The following TEX11 variants were observed in gnomAD, a reference collection of about 807,000 sequenced individuals.
The protein encoded by TEX11 is testis-expressed protein 11.
A neutral mutation model predicts 84.4 loss-of-function variants in TEX11; 7 were observed. That is an observed-to-expected ratio of 0.08 (90% CI 0.05 to 0.16). The LOEUF is 0.16. Among genes scored for constraint, TEX11 ranks in the 10% least tolerant of loss-of-function variants. The pLI, the probability that TEX11 is intolerant of heterozygous loss-of-function variation, is 1.00. For synonymous variants in TEX11, 264 were observed against 222.8 expected, an observed-to-expected ratio of 1.18 and a Z score of -1.64; for missense variants, 551 against 660.5, an observed-to-expected ratio of 0.83 and a Z score of 1.82.
intron 28 of TEX11, among the ~76,000 whole-genome samples, chrX:70,543,297 G>A (rs2088073043): frequency 8.9e-6 from 1 of 112,422 alleles, no homozygotes; most frequent in Non-Finnish European, 1.9e-5. Context: ...AGCAATAAAT[G>A]GATGGGAAAC....
chrX:70,790,927 C>T (rs962726185), intron 9 of TEX11, among the ~76,000 whole-genome samples: 1 of 112,111 alleles, frequency 8.9e-6, no homozygotes, highest in African/African-American at 3.2e-5. Context: ...AAAACAAGAC[C>T]CAATCATTTG....
rs888667163 is a variant in TEX11 at position 70,612,431 on chromosome X, T to C, written c.1752-1888A>G. Among the ~76,000 whole-genome samples, 3 of 111,478 alleles carry C rather than the reference T, an allele frequency of 2.7e-5. No individual in the cohort carries two copies. In the East Asian group the frequency reaches 8.4e-4, roughly 31 times the overall value. The stretch of plus-strand genomic sequence containing the variant: ...ATTCTAAGGGCTCTAATGGATAAAG[T>C]GGACAGCATGCAAGGGCAGATCAGC... On this transcript the variant is annotated intron_variant, in intron 20 of 29. Transcript: ENST00000374333.
At chrX:70,632,363 C>A (rs1431144569) in intron 17 of TEX11, among the ~76,000 whole-genome samples, 1 of 110,611 alleles carries the variant, frequency 9.0e-6, no homozygotes, top group Non-Finnish European at 1.9e-5. Context: ...CAGATAAAAA[C>A]AATAGAGGCC....
chrX:70,556,063 G>GA (rs761387241), intron 25 of TEX11, among the ~76,000 whole-genome samples: 2 of 110,022 alleles, frequency 1.8e-5, no homozygotes, highest in East Asian at 2.8e-4. Flanking sequence ...CTTTTCAAAA[G>GA]AAAAAAAAAC....
chrX:70,657,408 G>A (rs748624569), intron 16 of TEX11, among the ~76,000 whole-genome samples: 1 of 105,678 alleles, frequency 9.5e-6, no homozygotes, highest in African/African-American at 3.5e-5. Flanking sequence ...ATCAAAATGA[G>A]AAACAGTAAA....
intron 17 of TEX11, among the ~76,000 whole-genome samples, chrX:70,646,969 G>A (rs765925305): frequency 9.0e-6 from 1 of 111,650 alleles, no homozygotes; most frequent in African/African-American, 3.2e-5. Context: ...GCCATGGTAT[G>A]GAATCAACTT....
chrX:70,714,481 T>C (rs369036831), intron 13 of TEX11, among the ~76,000 whole-genome samples: 1 of 111,727 alleles, frequency 9.0e-6, no homozygotes. Context: ...TGCTCCTGTA[T>C]TGGGTGCATA....
At chrX:70,862,839 T>G in intron 4 of TEX11, among the ~76,000 whole-genome samples, 1 of 104,476 alleles carries the variant, frequency 9.6e-6, no homozygotes. Flanking sequence ...CTCTTCAACC[T>G]GGGAGGCGGA....
At chrX:70,605,170 G>A (rs2089181468) in intron 24 of TEX11, among the ~76,000 whole-genome samples, 1 of 111,299 alleles carries the variant, frequency 9.0e-6, no homozygotes, top group Non-Finnish European at 1.9e-5. Context: ...GTGGTCCATA[G>A]GAAGGGGAAT....
At chrX:70,735,605 T>C (rs2090689830) in intron 11 of TEX11, among the ~76,000 whole-genome samples, 1 of 112,149 alleles carries the variant, frequency 8.9e-6, no homozygotes, top group African/African-American at 3.2e-5. Flanking sequence ...TGAATAAATG[T>C]TCCTGGATTT....
chrX:70,617,429 T>C (rs12854360), intron 20 of TEX11, among the ~76,000 whole-genome samples: 2 of 106,591 alleles, frequency 1.9e-5, no homozygotes, highest in East Asian at 2.8e-4. Flanking sequence ...TACACATATA[T>C]AATACATATA....
At chrX:70,840,920 G>A in intron 7 of TEX11, among the ~76,000 whole-genome samples, 1 of 111,003 alleles carries the variant, frequency 9.0e-6, no homozygotes, top group Non-Finnish European at 1.9e-5. Flanking sequence ...AATTCAACAA[G>A]AAGAACTAAC....
intron 25 of TEX11, among the ~76,000 whole-genome samples, chrX:70,583,124 T>C (rs2088802971): frequency 9.0e-6 from 1 of 111,536 alleles, no homozygotes; most frequent in African/African-American, 3.3e-5. Flanking sequence ...TTTATATAAA[T>C]TTAAAGGACA....
chrX:70,799,707 G>T (rs2091175949), intron 9 of TEX11, among the ~76,000 whole-genome samples: 1 of 111,968 alleles, frequency 8.9e-6, no homozygotes, highest in African/African-American at 3.2e-5. Context: ...ATTCTTTGAA[G>T]AAATGCTTCA....
intron 8 of TEX11, among the ~76,000 whole-genome samples, chrX:70,820,120 G>A (rs140740816): frequency 0.02 from 2,278 of 111,839 alleles, 39 homozygotes; most frequent in African/African-American, 0.07. Context: ...GAAATCTTGC[G>A]CAAGAAGTAC....
rs1422541197 is a variant in TEX11 at position 70,553,327 on chromosome X, G to T, written c.2378C>A (p.Pro793Gln). Residue 793 changes from proline (P) to glutamine (Q), a missense_variant, in exon 27 of 30, where the codon CCA (proline) becomes CAA (glutamine). By Grantham distance (76) the Pro-to-Gln change is moderately conservative. Coordinates refer to ENST00000374333, the MANE Select transcript of TEX11 (RefSeq NM_031276.3). ...KALLLYKKEE[P>Q]IDISQYSKCM... ...TAACCTGTATTGTGATATATCAATT[G>T]GTTCTTCCTTTTTGTAGAGCAATAA... 1 of 1,200,185 alleles carries T rather than the reference G, an allele frequency of 8.3e-7. No homozygotes were observed. Among genetic ancestry groups the T allele is most frequent in the Non-Finnish European group, 1.1e-6 (1 of 886,648 alleles).
chrX:70,756,408 A>G (rs1362229953), intron 9 of TEX11, among the ~76,000 whole-genome samples: 3 of 111,665 alleles, frequency 2.7e-5, no homozygotes, highest in African/African-American at 9.8e-5. Context: ...TCTGGGACAA[A>G]GCTTCCAGAG....
intron 7 of TEX11, among the ~76,000 whole-genome samples, chrX:70,838,794 C>T (rs1306479647): frequency 1.8e-5 from 2 of 112,487 alleles, no homozygotes; most frequent in African/African-American, 3.2e-5. Context: ...CCTAATACTG[C>T]GCTTTTCCAA....
intron 9 of TEX11, among the ~76,000 whole-genome samples, chrX:70,778,497 C>T (rs1176836686): frequency 9.0e-6 from 1 of 111,280 alleles, no homozygotes; most frequent in Non-Finnish European, 1.9e-5. Context: ...CTCTGTTACC[C>T]AAGCTGGAGT....
Sources: gnomAD v4.1 joint callset for allele counts (sites outside exome capture counted in the v4.1 genomes callset) on GRCh38, gnomAD v4.1.1 for gene constraint, MANE v1.5 for transcripts, NCBI Gene and HGNC (gene_info 2026-07-23, HGNC 2026-07-21) for gene names.